DNAH2: variants seen among roughly 807,000 people sequenced by gnomAD.
DNAH2 encodes axonemal beta dynein heavy chain 2.
In DNAH2, 323 loss-of-function variants were observed where a neutral mutation model predicts 523.5. That is an observed-to-expected ratio of 0.62 (90% CI 0.56 to 0.68). The LOEUF is 0.68. Ranked by LOEUF, DNAH2 falls within the 30% of genes least tolerant of loss-of-function variation. The pLI is 0.00. For synonymous variants in DNAH2, 2,093 were observed against 2,177.4 expected (o/e 0.96, Z 1.08); for missense variants, 4,907 against 5,701.5 (o/e 0.86, Z 4.49).
At chr17:7,766,955 T>G (rs1375508612) in intron 22 of DNAH2, among the ~76,000 whole-genome samples, 1 of 152,050 alleles carries the variant, frequency 6.6e-6, no homozygotes, top group Non-Finnish European at 1.5e-5. Context: ...CTGCCAAAAT[T>G]AACCATTTTG....
rs1398766905 is a variant in DNAH2 at position 7,798,550 on chromosome 17, C to T, written c.8399-8C>T. On this transcript the variant is annotated splice_region_variant and splice_polypyrimidine_tract_variant and intron_variant, in intron 54 of 85. Transcript: ENST00000572933. This position sits in a 1 kb window ranked among gnomAD's most constrained non-coding sequence, Gnocchi z 5.5. ...AGTGAGTTTGTCCTCCTTCCCTCCC[C>T]CGGCCAGATATCAAGCGTCTGTATC... 2.5e-6 allele frequency: 4 copies of T among 1,613,634 alleles called. No individual in the cohort carries two copies. Among genetic ancestry groups the T allele is most frequent in the Non-Finnish European group, 2.5e-6 (3 of 1,179,934 alleles).
At chr17:7,741,250 C>CTTTCT in intron 11 of DNAH2, among the ~76,000 whole-genome samples, 1 of 37,638 alleles carries the variant, frequency 2.7e-5, no homozygotes, top group Non-Finnish European at 4.6e-5. Flanking sequence ...TTCTTTCTTT[C>CTTTCT]TTTCTTTCTT....
At position 7,786,942 on chromosome 17, in the gene DNAH2, A is replaced by G. The variant is rs2076754860; in HGVS notation, c.6512A>G (p.Asp2171Gly). The G allele has an allele frequency of 3.1e-6, 5 of 1,614,214 alleles. No homozygotes were observed. The East Asian group carries it at 1.1e-4, about 36-fold the overall frequency. ...TGGATCCTGTTCGATGGCCCCGTGG[A>G]CACACTGTGGATCGAGAACATGAAC... ...EKWILFDGPV[D>G]TLWIENMNSV... Residue 2171 changes from aspartate to glycine, a missense_variant, in exon 42 of 86, where the codon GAC becomes GGC. By Grantham distance (94) the Asp-to-Gly change is moderately conservative. This residue lies in a region of DNAH2 where 2,806 missense variants were observed against 3,190.8 expected (regional missense o/e 0.88). Transcript: ENST00000572933. This position sits in a 1 kb window ranked among gnomAD's most constrained non-coding sequence, Gnocchi z 7.5.
At chr17:7,726,525 A>T (rs983405687) in intron 3 of DNAH2, among the ~76,000 whole-genome samples, 1 of 151,510 alleles carries the variant, frequency 6.6e-6, no homozygotes, top group Non-Finnish European at 1.5e-5. Flanking sequence ...CTGGTCTCGA[A>T]CTCCCGACCT....
In DNAH2 at chr17:7,759,132, T is replaced by G; in HGVS notation, c.2448+8T>G. The G allele has an allele frequency of 6.2e-7, 1 of 1,613,452 alleles. No individual in the cohort carries two copies. Among genetic ancestry groups the G allele is most frequent in the Non-Finnish European group, 8.5e-7 (1 of 1,179,726 alleles). On this transcript the variant is annotated splice_region_variant and intron_variant, in intron 15 of 85. Coordinates refer to ENST00000572933, the MANE Select transcript of DNAH2 (RefSeq NM_020877.5). ...AAGAATGATGGTCCTGAGGTAGGGT[T>G]CCTGTGGCCAGGATGTTGTGGTTGG...
In DNAH2 at chr17:7,819,215, C is replaced by T. The variant is rs138564657; in HGVS notation, c.10822C>T (p.Arg3608Cys). The change falls in exon 72 of 86, where the codon CGC becomes TGC. Residue 3608 changes from arginine to cysteine, a missense_variant. By Grantham distance (180) the Arg-to-Cys change is radical. Coordinates refer to ENST00000572933, the MANE Select transcript of DNAH2 (RefSeq NM_020877.5). ...INTDLAREAY[R>C]PCAQRASILF... ...CACCCATCCCCACCGGCAGGCTTAC[C>T]GCCCATGCGCCCAGCGGGCATCAAT... is the stretch of plus-strand genomic sequence containing the variant. The T allele has an allele frequency of 2.5e-4, 403 of 1,613,510 alleles. No homozygotes were observed. The highest frequency in any genetic ancestry group is 3.2e-4 in the Non-Finnish European group (381 of 1,180,050).
intron 12 of DNAH2, among the ~76,000 whole-genome samples, chr17:7,748,606 C>T (rs1377033467): frequency 6.6e-6 from 1 of 152,140 alleles, no homozygotes; most frequent in Non-Finnish European, 1.5e-5. Context: ...AGCAACCCTC[C>T]CACCTCAGCT....
Position 7,786,733 on chromosome 17 carries a change from C to T in DNAH2, c.6466+46C>T. ...TGTGGAGAGCAGACGCCTGAGTCTC[C>T]TAAGGGGGCAGGGAGTCTGGGGATA... On this transcript the variant is annotated intron_variant, in intron 41 of 85. Coordinates refer to ENST00000572933, the MANE Select transcript of DNAH2 (RefSeq NM_020877.5). This position sits in a 1 kb window ranked among gnomAD's most constrained non-coding sequence, Gnocchi z 7.5. 1 of 1,605,322 alleles carries T rather than the reference C, an allele frequency of 6.2e-7. No homozygotes were observed. Among genetic ancestry groups the T allele is most frequent in the Non-Finnish European group, 8.5e-7 (1 of 1,173,132 alleles).
intron 2 of DNAH2, among the ~76,000 whole-genome samples, chr17:7,722,964 C>CTTTTTTTTT (rs559136734): frequency 2.6e-5 from 3 of 114,698 alleles, no homozygotes; most frequent in African/African-American, 3.6e-5. Context: ...CTTTTCTTTC[C>CTTTTTTTTT]TTTTTTTTTT....
At chr17:7,738,428 C>T (rs1483074262) in intron 8 of DNAH2, among the ~76,000 whole-genome samples, 1 of 152,132 alleles carries the variant, frequency 6.6e-6, no homozygotes, top group Non-Finnish European at 1.5e-5. Context: ...CTCCGAGGTT[C>T]ATGCCATTCT....
rs1263096342 is a variant in DNAH2, at chr17:7,749,332, A to C, written c.1904+6190A>C. On this transcript the variant is annotated intron_variant, in intron 12 of 85. Transcript: ENST00000572933. ...CCAAAAAAAAAAAAAAAAAAAAAAA[A>C]AAAAAAAAAAAAAAAAGAAAGAAAA... 4.1e-3 allele frequency among the ~76,000 whole-genome samples: 596 copies of C among 144,972 alleles called. 12 individuals carry two copies. The highest frequency in any genetic ancestry group is 6.8e-3 in the Admixed American group (98 of 14,426).
Position 7,823,510 on chromosome 17 carries a change from C to A in DNAH2, c.11211C>A (p.Asn3737Lys), listed in dbSNP as rs1299647072. The change falls in exon 74 of 86, where the codon AAC becomes AAA. Residue 3737 changes from asparagine to lysine, a missense_variant. This residue lies in a region of DNAH2 where 1,851 missense variants were observed against 2,139.4 expected (regional missense o/e 0.87). Coordinates refer to ENST00000572933, the MANE Select transcript of DNAH2 (RefSeq NM_020877.5). ...SSWLADAYWD[N>K]ITELDKLTNF... Reference sequence around the variant, plus strand: ...GGCTTGCAGATGCCTACTGGGATAACATCACAGAGCTAGACAAACTGACCA... The same window carrying A: ...GGCTTGCAGATGCCTACTGGGATAAAATCACAGAGCTAGACAAACTGACCA... 1 of 1,614,118 alleles carries A rather than the reference C, an allele frequency of 6.2e-7. No homozygotes were observed.
chr17:7,815,567 C>T (rs2077638196), intron 63 of DNAH2, among the ~76,000 whole-genome samples: 1 of 151,702 alleles, frequency 6.6e-6, no homozygotes, highest in African/African-American at 2.4e-5. Context: ...ATCATACACA[C>T]ATATACAGGA....
intron 52 of DNAH2, 71 bp downstream of exon 52, chr17:7,797,601 T>TG: frequency 6.2e-7 from 1 of 1,613,838 alleles, no homozygotes; most frequent in Non-Finnish European, 8.5e-7. Context: ...AGTCAGGGCA[T>TG]GGGGTCTGAA....
At chr17:7,742,874 CCCCTGGAG>C in intron 11 of DNAH2, 46 bp from the exon 12 acceptor site, 17 of 1,277,820 alleles carry the variant, frequency 1.3e-5, no homozygotes, top group South Asian at 1.3e-4. Context: ...GAGATGGTGG[CCCCTGGAG>C]GAAGGTGGCA....
intron 12 of DNAH2, among the ~76,000 whole-genome samples, chr17:7,750,048 G>C (rs1161717273): frequency 1.3e-5 from 2 of 152,046 alleles, no homozygotes; most frequent in African/African-American, 2.4e-5. Flanking sequence ...ATTATTATTT[G>C]AGATGGAATT....
intron 63 of DNAH2, among the ~76,000 whole-genome samples, chr17:7,809,543 C>G (rs1293681516): frequency 6.6e-6 from 1 of 152,130 alleles, no homozygotes; most frequent in African/African-American, 2.4e-5. Context: ...TTCCCAAGAG[C>G]GAAGAATCAC....
chr17:7,738,204 C>A, intron 8 of DNAH2: 1 of 670,144 alleles, frequency 1.5e-6, no homozygotes, highest in Non-Finnish European at 2.7e-6. Context: ...CTTTCCTGTA[C>A]ACTTTGTTTA....
At chr17:7,747,562 C>A (rs138371391) in intron 12 of DNAH2, among the ~76,000 whole-genome samples, 1 of 152,150 alleles carries the variant, frequency 6.6e-6, no homozygotes, top group South Asian at 2.1e-4. Context: ...TTAGGATAAA[C>A]CAGGAGACAA....
Sources: allele counts gnomAD v4.1 joint callset (sites outside exome capture counted in the v4.1 genomes callset), GRCh38; gene constraint gnomAD v4.1.1; regional missense constraint gnomAD v4.1.1; non-coding constraint Gnocchi (gnomAD v3.1); transcripts MANE v1.5; gene names NCBI Gene and HGNC (gene_info 2026-07-23, HGNC 2026-07-21).